AFF2: variants seen among roughly 807,000 people sequenced by gnomAD.
The protein encoded by AFF2 is AF4/FMR2 family member 2.
Under a neutral mutation model 76.9 loss-of-function variants are expected in AFF2, and 14 were observed. The observed-to-expected ratio is 0.18, with a 90% confidence interval of 0.12 to 0.28. The LOEUF is 0.28. Ranked by LOEUF, AFF2 falls within the 10% of genes least tolerant of loss-of-function variation. AFF2 has a pLI of 1.00. For synonymous variants in AFF2, 398 were observed against 366.7 expected (o/e 1.09, Z -0.98); for missense variants, 868 against 1,001.1 (o/e 0.87, Z 1.79).
At chrX:148,935,088 A>G (rs111953760) in intron 9 of AFF2, among the ~76,000 whole-genome samples, 1,394 of 109,650 alleles carry the variant, frequency 0.013, 22 homozygotes, top group African/African-American at 0.044. Context: ...ACTGGCTGTG[A>G]TACCTTGGAC....
chrX:148,589,612 T>C (rs1557246327), intron 1 of AFF2, among the ~76,000 whole-genome samples: 1 of 111,957 alleles, frequency 8.9e-6, no homozygotes, highest in African/African-American at 3.3e-5. Flanking sequence ...CACCAACAGG[T>C]AGGCTTGCAG....
intron 4 of AFF2, among the ~76,000 whole-genome samples, chrX:148,827,205 C>A (rs1201395021): frequency 1.8e-5 from 2 of 111,211 alleles, no homozygotes; most frequent in African/African-American, 6.5e-5. Flanking sequence ...TAATGAGAGA[C>A]CAAAGCTATA....
intron 9 of AFF2, among the ~76,000 whole-genome samples, chrX:148,911,584 A>G (rs782428594): frequency 3.7e-4 from 42 of 112,190 alleles, no homozygotes; most frequent in Non-Finnish European, 5.3e-4. Flanking sequence ...TCAAAGAAGG[A>G]GTTCTGTTTA....
intron 9 of AFF2, among the ~76,000 whole-genome samples, chrX:148,909,480 C>T (rs1207866833): frequency 7.1e-5 from 8 of 111,918 alleles, no homozygotes; most frequent in Non-Finnish European, 3.8e-5. Flanking sequence ...ACCACTCTTT[C>T]AATTTATTTT....
At chrX:148,706,590 A>C in intron 3 of AFF2, among the ~76,000 whole-genome samples, 1 of 112,534 alleles carries the variant, frequency 8.9e-6, no homozygotes, top group Non-Finnish European at 1.9e-5. Flanking sequence ...AAGAATGTTC[A>C]AATTAGGATC....
chrX:148,599,176 C>G (rs1308383826), intron 1 of AFF2, among the ~76,000 whole-genome samples: 1 of 112,514 alleles, frequency 8.9e-6, no homozygotes, highest in Non-Finnish European at 1.9e-5. Flanking sequence ...ATGCAGGATG[C>G]ATTACTGACT....
chrX:148,809,506 T>G (rs2070177413), intron 3 of AFF2, among the ~76,000 whole-genome samples: 1 of 112,099 alleles, frequency 8.9e-6, no homozygotes, highest in Admixed American at 9.5e-5. Context: ...GTGTTTCGTA[T>G]AGGCCTTATA....
intron 7 of AFF2, among the ~76,000 whole-genome samples, chrX:148,863,759 A>G (rs1192675679): frequency 9.0e-6 from 1 of 111,455 alleles, no homozygotes; most frequent in African/African-American, 3.3e-5. Context: ...TTGCAATTTT[A>G]TTTGTCCACA....
At chrX:148,882,367 T>G (rs1032524583) in intron 7 of AFF2, among the ~76,000 whole-genome samples, 1 of 111,885 alleles carries the variant, frequency 8.9e-6, no homozygotes, top group Non-Finnish European at 1.9e-5. Context: ...GTTCACAGTT[T>G]TATAGATTAT....
chrX:148,625,916 G>A (rs1433226537), intron 1 of AFF2, among the ~76,000 whole-genome samples: 1 of 111,983 alleles, frequency 8.9e-6, no homozygotes, highest in Non-Finnish European at 1.9e-5. Flanking sequence ...GGGAAAACCC[G>A]TTTGGAGGTA....
intron 3 of AFF2, among the ~76,000 whole-genome samples, chrX:148,808,911 C>T (rs1557271552): frequency 1.8e-5 from 2 of 111,493 alleles, no homozygotes; most frequent in African/African-American, 3.3e-5. Flanking sequence ...AGTTAATAAT[C>T]GTCCTTGCAA....
intron 1 of AFF2, among the ~76,000 whole-genome samples, chrX:148,636,334 T>C (rs1475318477): frequency 1.8e-5 from 2 of 112,312 alleles, no homozygotes; most frequent in Non-Finnish European, 3.8e-5. Flanking sequence ...GAGTGTCTGA[T>C]ACTTGAAAAG....
intron 1 of AFF2, among the ~76,000 whole-genome samples, chrX:148,525,283 A>G (rs1224260994): frequency 2.7e-5 from 3 of 111,451 alleles, no homozygotes; most frequent in African/African-American, 9.8e-5. Flanking sequence ...TTGACATAAC[A>G]TTTAAAGTCT....
At chrX:148,783,098 A>G (rs2124613943) in intron 3 of AFF2, among the ~76,000 whole-genome samples, 1 of 112,282 alleles carries the variant, frequency 8.9e-6, no homozygotes, top group African/African-American at 3.2e-5. Context: ...GCTGTTTTCT[A>G]TCCTCAATCT....
intron 1 of AFF2, among the ~76,000 whole-genome samples, chrX:148,582,828 G>T (rs1395271392): frequency 8.9e-6 from 1 of 111,820 alleles, no homozygotes. Flanking sequence ...TAACCAAAAG[G>T]TAAAAACATC....
intron 1 of AFF2, among the ~76,000 whole-genome samples, chrX:148,516,750 A>G (rs1468755626): frequency 8.9e-6 from 1 of 111,771 alleles, no homozygotes; most frequent in Admixed American, 9.5e-5. Context: ...CTGGCACTGT[A>G]ACACTGAACT....
At position 148,562,955 on chromosome X, in the gene AFF2, C is replaced by A. The variant is rs193300790; in HGVS notation, c.47+61811C>A. Among the ~76,000 whole-genome samples, 615 of 111,981 alleles carry A rather than the reference C, an allele frequency of 5.5e-3. 4 individuals are homozygous for A. The highest frequency in any genetic ancestry group is 9.2e-3 in the Middle Eastern group (2 of 217). ...AATAACTCATCAGAAGAAAGTAAAA[C>A]AGGTTCCTGTAATGCAGTTACAGAA... is the stretch of plus-strand genomic sequence containing the variant. On this transcript the variant is annotated intron_variant, in intron 1 of 20. Transcript: ENST00000370460.
At position 148,662,290 on chromosome X, in the gene AFF2, A is replaced by T. The variant is rs782694882; in HGVS notation, c.563A>T (p.Gln188Leu). Reference sequence around the variant, plus strand: ...AAGATGCAGACTTTGACACAGGACCAGTCTCAAGCCAAACTGGAAGACTTC... The same window carrying T: ...AAGATGCAGACTTTGACACAGGACCTGTCTCAAGCCAAACTGGAAGACTTC... Reference protein sequence around the residue: ...PNKMQTLTQDQSQAKLEDFFV... With the variant: ...PNKMQTLTQDLSQAKLEDFFV... The change falls in exon 3 of 21, where the codon CAG becomes CTG. Residue 188 changes from glutamine (Q) to leucine (L), a missense_variant. Physicochemically the swap from Gln to Leu is moderately radical, Grantham distance 113. Coordinates refer to ENST00000370460, the MANE Select transcript of AFF2 (RefSeq NM_002025.4). The T allele has an allele frequency of 3.3e-6, 4 of 1,212,154 alleles. No homozygotes were observed. The South Asian group carries it at 7.0e-5, about 21-fold the overall frequency.
intron 1 of AFF2, among the ~76,000 whole-genome samples, chrX:148,592,479 G>T (rs1213230276): frequency 1.9e-5 from 2 of 104,621 alleles, no homozygotes; most frequent in Non-Finnish European, 3.9e-5. Context: ...TAAACCCAAG[G>T]CCTGCTATAA....
Sources: allele counts gnomAD v4.1 joint callset (sites outside exome capture counted in the v4.1 genomes callset), GRCh38; gene constraint gnomAD v4.1.1; transcripts MANE v1.5; gene names NCBI Gene and HGNC (gene_info 2026-07-23, HGNC 2026-07-21).